Variants in ARB2A observed in about 807,000 individuals in gnomAD.
ARB2A encodes ARB2 cotranscriptional regulator A, also known as cotranscriptional regulator ARB2A.
At chr5:94,079,702 T>G in the ARB2A span, among the ~76,000 whole-genome samples, 1 of 152,182 alleles carries the variant, frequency 6.6e-6, no homozygotes, top group Non-Finnish European at 1.5e-5. Context: ...CAGACTAAAG[T>G]TGTCAACCAA....
At chr5:93,734,506 C>G in the ARB2A span, 1 of 152,118 alleles carries the variant, frequency 6.6e-6, no homozygotes, top group Non-Finnish European at 1.5e-5. Context: ...TGTACAAAAA[C>G]ATTATTCTGC....
the ARB2A span, among the ~76,000 whole-genome samples, chr5:94,003,302 G>A: frequency 1.3e-5 from 2 of 152,058 alleles, no homozygotes; most frequent in African/African-American, 4.8e-5. Context: ...AAACAAAAAA[G>A]ATTTGTACTT....
At chr5:93,912,259 A>C in the ARB2A span, among the ~76,000 whole-genome samples, 2 of 151,780 alleles carry the variant, frequency 1.3e-5, no homozygotes, top group African/African-American at 4.8e-5. Context: ...TTGATATTTT[A>C]TCATAATTTG....
chr5:94,061,382 T>G, the ARB2A span, among the ~76,000 whole-genome samples: 1 of 152,174 alleles, frequency 6.6e-6, no homozygotes, highest in Non-Finnish European at 1.5e-5. Context: ...ACAATCCTTT[T>G]CCCTCAAGGT....
At chr5:94,018,954 C>T in the ARB2A span, among the ~76,000 whole-genome samples, 1 of 151,978 alleles carries the variant, frequency 6.6e-6, no homozygotes, top group Non-Finnish European at 1.5e-5. Context: ...GTACTGGTAC[C>T]AAAACAGATA....
chr5:93,825,450 G>A, the ARB2A span, among the ~76,000 whole-genome samples: 18 of 152,252 alleles, frequency 1.2e-4, no homozygotes, highest in South Asian at 6.2e-4. Flanking sequence ...TAAACTTTTT[G>A]TAAAGCATCA....
At chr5:93,873,122 C>A in the ARB2A span, among the ~76,000 whole-genome samples, 2 of 151,736 alleles carry the variant, frequency 1.3e-5, no homozygotes, top group African/African-American at 4.8e-5. Context: ...TTAATCAAAC[C>A]TTTATTTTAA....
the ARB2A span, among the ~76,000 whole-genome samples, chr5:93,829,069 G>A: frequency 2.0e-5 from 3 of 152,072 alleles, no homozygotes; most frequent in African/African-American, 7.2e-5. Context: ...GAGCCACTGC[G>A]CCTGGCCCTC....
At chr5:93,817,819 A>C in the ARB2A span, among the ~76,000 whole-genome samples, 2 of 152,168 alleles carry the variant, frequency 1.3e-5, no homozygotes, top group Non-Finnish European at 2.9e-5. Context: ...AAACTAGCTT[A>C]AATGACAAAA....
the ARB2A span, among the ~76,000 whole-genome samples, chr5:93,853,038 T>A: frequency 1.4e-4 from 22 of 152,352 alleles, no homozygotes; most frequent in Admixed American, 9.8e-4. Flanking sequence ...ATCTATAAAT[T>A]ACCTTGGGCA....
the ARB2A span, chr5:93,683,621 C>T: frequency 2.0e-6 from 3 of 1,525,068 alleles, no homozygotes; most frequent in African/African-American, 2.7e-5. Context: ...TCATTATCCA[C>T]CTTAAAGTGA....
the ARB2A span, among the ~76,000 whole-genome samples, chr5:93,869,767 T>A: frequency 4.6e-5 from 7 of 152,190 alleles, no homozygotes; most frequent in African/African-American, 1.7e-4. Flanking sequence ...GAAGGTTCTT[T>A]GTAATTCTCC....
chr5:93,740,109 T>A, the ARB2A span: 2 of 152,544 alleles, frequency 1.3e-5, no homozygotes, highest in African/African-American at 4.8e-5. Flanking sequence ...TCCCTCAAGA[T>A]AACTATTATC....
chr5:93,763,152 A>C, the ARB2A span, among the ~76,000 whole-genome samples: 53 of 152,300 alleles, frequency 3.5e-4, no homozygotes, highest in Admixed American at 2.7e-3. Context: ...CGAGCAAAAT[A>C]ACCAGCTAAC....
chr5:94,098,632 A>G, the ARB2A span, among the ~76,000 whole-genome samples: 1 of 152,220 alleles, frequency 6.6e-6, no homozygotes, highest in Non-Finnish European at 1.5e-5. Flanking sequence ...AACAAAAATT[A>G]GAGCTGAACT....
At chr5:93,834,178 T>C in the ARB2A span, among the ~76,000 whole-genome samples, 1 of 151,888 alleles carries the variant, frequency 6.6e-6, no homozygotes, top group South Asian at 2.1e-4. Flanking sequence ...GAAGAAAGAG[T>C]AATAAGTGAT....
chr5:93,937,280 G>T, the ARB2A span, among the ~76,000 whole-genome samples: 1 of 151,746 alleles, frequency 6.6e-6, no homozygotes, highest in African/African-American at 2.4e-5. Context: ...TGTGTGGGTG[G>T]GGGGAGGAGG....
At chr5:93,983,785 C>T in the ARB2A span, among the ~76,000 whole-genome samples, 2 of 152,168 alleles carry the variant, frequency 1.3e-5, no homozygotes, top group African/African-American at 4.8e-5. Flanking sequence ...TAAAAGATCA[C>T]TTCGAAAGTA....
the ARB2A span, among the ~76,000 whole-genome samples, chr5:93,812,150 A>G: frequency 1.3e-5 from 2 of 152,272 alleles, no homozygotes; most frequent in South Asian, 4.1e-4. Context: ...TACATATTTA[A>G]TATGTAGACA....
Sources: allele counts gnomAD v4.1 joint callset (sites outside exome capture counted in the v4.1 genomes callset), GRCh38; gene constraint gnomAD v4.1.1; transcripts MANE v1.5; gene names NCBI Gene and HGNC (gene_info 2026-07-23, HGNC 2026-07-21).